DTNB: variants seen among roughly 807,000 people sequenced by gnomAD.
DTNB encodes dystrobrevin beta.
In DTNB, 63 loss-of-function variants were observed where a neutral mutation model predicts 90.7. The ratio of observed to expected loss-of-function variants is 0.69; its 90% CI spans 0.57 to 0.86. The LOEUF (loss-of-function observed/expected upper bound fraction) is 0.86. DTNB is among the 40% of genes least tolerant of loss of function. The pLI is 0.00. For synonymous variants in DTNB, 277 were observed against 286.7 expected, an observed-to-expected ratio of 0.97 and a Z score of 0.34; for missense variants, 744 against 807.1, an observed-to-expected ratio of 0.92 and a Z score of 0.95.
At chr2:25,454,384 GCTA>G (rs2059703578) in intron 11 of DTNB, among the ~76,000 whole-genome samples, 1 of 152,176 alleles carries the variant, frequency 6.6e-6, no homozygotes, top group Non-Finnish European at 1.5e-5. Context: ...GCCATGGCAT[GCTA>G]TAAGCAAAAC....
intron 8 of DTNB, among the ~76,000 whole-genome samples, chr2:25,566,061 G>A (rs1024566808): frequency 6.6e-6 from 1 of 152,106 alleles, no homozygotes; most frequent in Non-Finnish European, 1.5e-5. Flanking sequence ...ACACTGGGTG[G>A]GCCTGGTCTA....
chr2:25,394,996 CAA>C (rs1288921222), intron 16 of DTNB, among the ~76,000 whole-genome samples: 1 of 152,154 alleles, frequency 6.6e-6, no homozygotes, highest in Non-Finnish European at 1.5e-5. Flanking sequence ...GCCCATCAAT[CAA>C]TGAGTGGGTA....
chr2:25,531,627 T>A (rs1489793201), intron 8 of DTNB, 30 bp from the exon 9 acceptor site: 1 of 1,595,394 alleles, frequency 6.3e-7, no homozygotes, highest in Non-Finnish European at 8.5e-7. Context: ...AGTAAGGAAT[T>A]AACCCTTCAA....
At chr2:25,509,907 C>T (rs906255793) in intron 9 of DTNB, among the ~76,000 whole-genome samples, 1 of 151,854 alleles carries the variant, frequency 6.6e-6, no homozygotes, top group African/African-American at 2.4e-5. Flanking sequence ...CGCATCACCA[C>T]ACCTGGCTAA....
intron 9 of DTNB, among the ~76,000 whole-genome samples, chr2:25,508,295 G>A (rs1395381157): frequency 6.6e-6 from 1 of 152,152 alleles, no homozygotes; most frequent in African/African-American, 2.4e-5. Context: ...TGAAGATAAC[G>A]AAAGGAATAA....
At chr2:25,555,017 C>T (rs772467384) in intron 8 of DTNB, among the ~76,000 whole-genome samples, 6 of 151,806 alleles carry the variant, frequency 4.0e-5, no homozygotes, top group South Asian at 2.1e-4. Flanking sequence ...AAGATCTGGG[C>T]GAGGTACAGT....
intron 8 of DTNB, among the ~76,000 whole-genome samples, chr2:25,572,133 C>T (rs2059962040): frequency 6.6e-6 from 1 of 152,158 alleles, no homozygotes; most frequent in Non-Finnish European, 1.5e-5. Flanking sequence ...AAGGATCATA[C>T]AGAACTCCTT....
chr2:25,494,403 A>G (rs893490419), intron 9 of DTNB, among the ~76,000 whole-genome samples: 1 of 149,592 alleles, frequency 6.7e-6, no homozygotes, highest in Non-Finnish European at 1.5e-5. Flanking sequence ...CAAGTTTGAG[A>G]AACACTGCCC....
intron 10 of DTNB, among the ~76,000 whole-genome samples, chr2:25,476,012 C>T (rs1429864308): frequency 6.6e-6 from 1 of 151,874 alleles, no homozygotes; most frequent in Non-Finnish European, 1.5e-5. Context: ...ATGAATGTTG[C>T]TTTCACACCT....
At chr2:25,392,188 C>T (rs2041305358) in intron 16 of DTNB, among the ~76,000 whole-genome samples, 1 of 152,164 alleles carries the variant, frequency 6.6e-6, no homozygotes, top group Admixed American at 6.5e-5. Flanking sequence ...GTGGGTGGAT[C>T]ACTTGAGGTC....
chr2:25,545,654 C>CA (rs756759433), intron 8 of DTNB, among the ~76,000 whole-genome samples: 38 of 152,306 alleles, frequency 2.5e-4, no homozygotes, highest in Middle Eastern at 3.4e-3. Flanking sequence ...ATTTTTGAGA[C>CA]AGAGTCACCC....
rs115778311 is a variant in DTNB, at chr2:25,508,440, C to G, written c.1001+23033G>C. Among the ~76,000 whole-genome samples the G allele has an allele frequency of 6.5e-3, 990 of 151,604 alleles. 11 individuals are homozygous for G. Among genetic ancestry groups the G allele is most frequent in the African/African-American group, 0.021 (857 of 41,386 alleles). ...ATATGCTAGGTATACCACTGGCCTT[C>G]CAATTTATAAATATGGTATACCTCT... On this transcript the variant is annotated intron_variant, in intron 9 of 20. Transcript: ENST00000406818.
chr2:25,647,255 A>C (rs1033114971), intron 2 of DTNB, among the ~76,000 whole-genome samples: 1 of 152,246 alleles, frequency 6.6e-6, no homozygotes, highest in African/African-American at 2.4e-5. Context: ...ACATGCATCC[A>C]AGAATTAAAG....
At chr2:25,633,546 C>T (rs7567913) in intron 3 of DTNB, among the ~76,000 whole-genome samples, 67,632 of 151,232 alleles carry the variant, frequency 0.45, 16,298 homozygotes, top group East Asian at 0.77. Context: ...TGCCTTGGCC[C>T]CCCAAAGTGC....
intron 2 of DTNB, among the ~76,000 whole-genome samples, chr2:25,641,362 C>T (rs858652): frequency 0.03 from 4,569 of 152,218 alleles, 107 homozygotes; most frequent in African/African-American, 0.064. Context: ...ATTCTAAAAC[C>T]TCCCATATGT....
At position 25,547,268 on chromosome 2, in the gene DTNB, CTTCT is replaced by C. The variant is rs200336030; in HGVS notation, c.877-15675_877-15672del. On this transcript the variant is annotated intron_variant, in intron 8 of 20. Coordinates refer to ENST00000406818, the MANE Select transcript of DTNB (RefSeq NM_021907.5). ...AATGTAGAAATTTTATACCTGTATA[CTTCT>C]TTTTTTTTTTAATCTACCACTAAGA... 4.3e-3 allele frequency among the ~76,000 whole-genome samples: 626 copies of C among 144,440 alleles called. 3 individuals are homozygous for C. The highest frequency in any genetic ancestry group is 0.015 in the African/African-American group (585 of 38,538). The allele number at this position is 144,440 out of a possible 152,430, so 94.8% of individuals were successfully genotyped here. A position where few individuals can be genotyped will look rare whatever the true frequency, so the allele number is the denominator to read the frequency against.
chr2:25,580,915 T>G, intron 6 of DTNB, 89 bp from the exon 7 acceptor site: 1 of 1,080,662 alleles, frequency 9.3e-7, no homozygotes. Flanking sequence ...CATCCAAACT[T>G]TAGTGAATTA....
intron 8 of DTNB, among the ~76,000 whole-genome samples, chr2:25,539,415 A>T (rs2080629420): frequency 6.6e-6 from 1 of 152,132 alleles, no homozygotes; most frequent in South Asian, 2.1e-4. Flanking sequence ...ACATGTTAAC[A>T]TTTGCCAAGC....
chr2:25,480,702 G>T (rs532376828), intron 10 of DTNB, among the ~76,000 whole-genome samples: 1 of 152,338 alleles, frequency 6.6e-6, no homozygotes, highest in Admixed American at 6.5e-5. Flanking sequence ...GAAGAATTCA[G>T]ATGGGAAATG....
Sources: allele counts gnomAD v4.1 joint callset (sites outside exome capture counted in the v4.1 genomes callset), GRCh38; gene constraint gnomAD v4.1.1; transcripts MANE v1.5; gene names NCBI Gene and HGNC (gene_info 2026-07-23, HGNC 2026-07-21).